Variants in BORCS5 observed in about 807,000 individuals in gnomAD.
BORCS5 encodes the protein BLOC-1 related complex subunit 5, also known as BLOC-1-related complex subunit 5.
BORCS5 carries 17 observed loss-of-function variants against 22.1 expected under a neutral mutation model. That is an observed-to-expected ratio of 0.77 (90% CI 0.53 to 1.15). BORCS5 has a LOEUF of 1.15. BORCS5 is among the 50% of genes most tolerant of loss of function. The pLI is 0.00. For synonymous variants in BORCS5, 117 were observed against 99.8 expected, an observed-to-expected ratio of 1.17 and a Z score of -1.03; for missense variants, 247 against 253.2, an observed-to-expected ratio of 0.98 and a Z score of 0.17.
intron 2 of BORCS5, among the ~76,000 whole-genome samples, chr12:12,419,777 G>A (rs945972126): frequency 3.9e-5 from 6 of 152,128 alleles, no homozygotes; most frequent in East Asian, 3.9e-4. Flanking sequence ...GTTTTGATTC[G>A]CATTTCTCTG....
chr12:12,467,171 A>G lies in BORCS5; in HGVS notation c.*1395A>G, dbSNP rs1034951652. Reference sequence around the variant, plus strand: ...ATGAATATTCATATTTCTTTCACCTAGATTGACAAAAAGTGGTATATTTAA... The same window carrying G: ...ATGAATATTCATATTTCTTTCACCTGGATTGACAAAAAGTGGTATATTTAA... On this transcript the variant is annotated 3_prime_UTR_variant, in exon 4 of 4. Coordinates refer to ENST00000314565, the MANE Select transcript of BORCS5 (RefSeq NM_058169.6). 6.6e-6 allele frequency: 1 copy of G among 152,236 alleles called. No individual in the cohort carries two copies. The highest frequency in any genetic ancestry group is 6.5e-5 in the Admixed American group (1 of 15,278). 9.4% of individuals were successfully genotyped at this position (152,236 alleles called of 1,614,324 possible).
intron 3 of BORCS5, among the ~76,000 whole-genome samples, chr12:12,438,381 C>CAA (rs1565915725): frequency 1.5e-5 from 1 of 65,174 alleles, no homozygotes; most frequent in African/African-American, 9.9e-5. Flanking sequence ...AAAAAAAAAA[C>CAA]GAAAAACAAC....
At chr12:12,424,107 C>T (rs1236904973) in intron 2 of BORCS5, among the ~76,000 whole-genome samples, 2 of 152,044 alleles carry the variant, frequency 1.3e-5, no homozygotes, top group Non-Finnish European at 2.9e-5. Flanking sequence ...ATGTTTTTGG[C>T]CATTGTTTCT....
chr12:12,431,490 C>T (rs1238172602), intron 2 of BORCS5, among the ~76,000 whole-genome samples: 1 of 148,408 alleles, frequency 6.7e-6, no homozygotes, highest in Non-Finnish European at 1.5e-5. Context: ...GCAAGCTCCG[C>T]CTCCGGGTTC....
At chr12:12,442,519 G>A (rs1942705860) in intron 3 of BORCS5, among the ~76,000 whole-genome samples, 1 of 152,148 alleles carries the variant, frequency 6.6e-6, no homozygotes, top group Non-Finnish European at 1.5e-5. Flanking sequence ...GCATGGAGGG[G>A]GTTCAGATGA....
intron 3 of BORCS5, among the ~76,000 whole-genome samples, chr12:12,449,867 C>T (rs1446496238): frequency 2.6e-5 from 4 of 152,318 alleles, no homozygotes; most frequent in South Asian, 4.1e-4. Context: ...AGGAAGCAGA[C>T]GTGTGCAGTT....
At chr12:12,452,171 A>G (rs953040538) in intron 3 of BORCS5, 37 of 576,590 alleles carry the variant, frequency 6.4e-5, no homozygotes, top group African/African-American at 4.2e-4. Flanking sequence ...TTGGGATCTC[A>G]GGAAGATTCA....
intron 2 of BORCS5, among the ~76,000 whole-genome samples, chr12:12,400,250 A>C (rs535565458): frequency 6.6e-6 from 1 of 152,180 alleles, no homozygotes; most frequent in African/African-American, 2.4e-5. Flanking sequence ...TGTTTTTATC[A>C]CAGGCTATTT....
intron 3 of BORCS5, among the ~76,000 whole-genome samples, chr12:12,441,723 T>A (rs750743904): frequency 0.012 from 1,761 of 147,520 alleles, 13 homozygotes; most frequent in Non-Finnish European, 0.019. Flanking sequence ...AAAAAAAATT[T>A]TTTTTTTTTT....
intron 2 of BORCS5, among the ~76,000 whole-genome samples, chr12:12,421,752 A>T (rs145551583): frequency 6.6e-6 from 1 of 152,144 alleles, no homozygotes; most frequent in Non-Finnish European, 1.5e-5. Context: ...GTATTAAGAG[A>T]TTCATCTTCT....
rs79855176 is a variant in BORCS5 at position 12,366,570 on chromosome 12, A to G, written c.202+5221A>G. 3.2e-3 allele frequency among the ~76,000 whole-genome samples: 481 copies of G among 152,358 alleles called. 16 individuals carry two copies. The East Asian group carries it at 0.065, about 21-fold the overall frequency. On this transcript the variant is annotated intron_variant, in intron 2 of 3. Coordinates refer to ENST00000314565, the MANE Select transcript of BORCS5 (RefSeq NM_058169.6). ...AGGAAATGAAAGATTAGAAAATTAG[A>G]AAGTAGCTACAAATGGCTGTGACAG...
At chr12:12,402,432 T>C (rs1941501704) in intron 2 of BORCS5, among the ~76,000 whole-genome samples, 1 of 152,224 alleles carries the variant, frequency 6.6e-6, no homozygotes, top group Non-Finnish European at 1.5e-5. Flanking sequence ...TAATTAGGGA[T>C]GATTATTAGA....
Position 12,435,701 on chromosome 12 carries a change from C to T in BORCS5, c.276C>T (p.Leu92=). 1 of 1,614,128 alleles carries T rather than the reference C, an allele frequency of 6.2e-7. No individual in the cohort carries two copies. The highest frequency in any genetic ancestry group is 8.5e-7 in the Non-Finnish European group (1 of 1,180,002). The part of the protein sequence containing the change: ...EKLDSQQVLQ[L]CLRYQDHLHQ... ...TGGACTCTCAGCAGGTGTTGCAGCT[C>T]TGCCTCCGATATCAAGATCACCTGC... The change falls in exon 3 of 4, where the codon CTC becomes CTT. Residue 92 remains leucine (L), a synonymous_variant. Coordinates refer to ENST00000314565, the MANE Select transcript of BORCS5 (RefSeq NM_058169.6).
intron 3 of BORCS5, among the ~76,000 whole-genome samples, chr12:12,457,993 T>C (rs539548357): frequency 1.3e-5 from 2 of 152,316 alleles, no homozygotes; most frequent in African/African-American, 4.8e-5. Context: ...GGTCATAAGC[T>C]AGAAGTCTCC....
intron 2 of BORCS5, among the ~76,000 whole-genome samples, chr12:12,367,613 G>A (rs1863431875): frequency 6.6e-6 from 1 of 152,164 alleles, no homozygotes; most frequent in African/African-American, 2.4e-5. Flanking sequence ...ACCAGCATTG[G>A]GTTAGCCTTA....
At chr12:12,391,394 C>CTT (rs34048201) in intron 2 of BORCS5, among the ~76,000 whole-genome samples, 70 of 149,806 alleles carry the variant, frequency 4.7e-4, no homozygotes, top group African/African-American at 8.1e-4. Context: ...TCAAAATGAC[C>CTT]TTTTTTTTTG....
At chr12:12,370,099 T>TACACACACACACACACACAC (rs56408181) in intron 2 of BORCS5, among the ~76,000 whole-genome samples, 3 of 145,410 alleles carry the variant, frequency 2.1e-5, no homozygotes, top group African/African-American at 7.5e-5. Flanking sequence ...AGTGGTTTTA[T>TACACACACACACACACACAC]ACACACACAC....
rs939562989 is a variant in BORCS5 at position 12,470,060 on chromosome 12, A to C, written c.*4284A>C. Among the ~76,000 whole-genome samples the C allele has an allele frequency of 6.6e-6, 1 of 151,988 alleles. No homozygotes were observed. Among genetic ancestry groups the C allele is most frequent in the African/African-American group, 2.4e-5 (1 of 41,346 alleles). ...AGGTGAGCGGCGGATGAGCAGGTGA[A>C]GCTTCACGTGTTGTTGTTGTTGTTT... is the stretch of plus-strand genomic sequence containing the variant. On this transcript the variant is annotated 3_prime_UTR_variant, in exon 4 of 4. Coordinates refer to ENST00000314565, the MANE Select transcript of BORCS5 (RefSeq NM_058169.6).
In BORCS5 at chr12:12,449,868, G is replaced by A. The variant is rs946893175; in HGVS notation, c.360+14083G>A. Among the ~76,000 whole-genome samples the A allele has an allele frequency of 2.6e-4, 40 of 152,352 alleles. 1 individual carries two copies. Among genetic ancestry groups the A allele is most frequent in the South Asian group, 2.1e-3 (10 of 4,832 alleles). On this transcript the variant is annotated intron_variant, in intron 3 of 3. Coordinates refer to ENST00000314565, the MANE Select transcript of BORCS5 (RefSeq NM_058169.6). ...TTACGTAATTCAGAAGGAAGCAGACGTGTGCAGTTTTGACTGATGCCCTTC... is the reference window on the plus strand; with the variant it reads ...TTACGTAATTCAGAAGGAAGCAGACATGTGCAGTTTTGACTGATGCCCTTC...
Sources: allele counts gnomAD v4.1 joint callset (sites outside exome capture counted in the v4.1 genomes callset), GRCh38; gene constraint gnomAD v4.1.1; transcripts MANE v1.5; gene names NCBI Gene and HGNC (gene_info 2026-07-23, HGNC 2026-07-21).